Variants in PIP5K1B observed in about 807,000 individuals in gnomAD.
PIP5K1B encodes the protein phosphatidylinositol-4-phosphate 5-kinase type 1 beta.
PIP5K1B carries 42 observed loss-of-function variants against 67.0 expected under a neutral mutation model. The ratio of observed to expected loss-of-function variants is 0.63; its 90% CI spans 0.49 to 0.81. The LOEUF (loss-of-function observed/expected upper bound fraction) is 0.81, where lower values mean the gene tolerates loss of function less well. Ranked by LOEUF, PIP5K1B falls within the 30% of genes least tolerant of loss-of-function variation. The pLI is 0.00. For synonymous variants in PIP5K1B, 214 were observed against 231.4 expected, an observed-to-expected ratio of 0.92 and a Z score of 0.68; for missense variants, 459 against 646.3, an observed-to-expected ratio of 0.71 and a Z score of 3.14.
intron 12 of PIP5K1B, among the ~76,000 whole-genome samples, chr9:68,934,388 A>T (rs929018397): frequency 1.4e-4 from 21 of 152,226 alleles, no homozygotes; most frequent in African/African-American, 4.8e-4. Context: ...AAGCAACCAG[A>T]AGTAACTTGG....
intron 4 of PIP5K1B, among the ~76,000 whole-genome samples, chr9:68,828,830 G>C (rs1002141265): frequency 6.6e-6 from 1 of 152,152 alleles, no homozygotes; most frequent in African/African-American, 2.4e-5. Flanking sequence ...GGCTGGGCAC[G>C]GTGGATTATG....
intron 2 of PIP5K1B, among the ~76,000 whole-genome samples, chr9:68,749,918 G>A (rs1016121941): frequency 1.3e-5 from 2 of 152,212 alleles, no homozygotes; most frequent in East Asian, 1.9e-4. Flanking sequence ...ATTAAGTACA[G>A]CTTAATCCCA....
chr9:68,983,454 G>A (rs1328312083), intron 14 of PIP5K1B, among the ~76,000 whole-genome samples: 1 of 151,936 alleles, frequency 6.6e-6, no homozygotes, highest in Non-Finnish European at 1.5e-5. Context: ...TTTTTTCTGT[G>A]TGTGTGTTTT....
chr9:68,924,928 A>G (rs1027680862), intron 12 of PIP5K1B, among the ~76,000 whole-genome samples: 2 of 152,204 alleles, frequency 1.3e-5, no homozygotes, highest in Non-Finnish European at 2.9e-5. Context: ...CTTTCTACCA[A>G]TCTTTATTTC....
chr9:68,947,086 T>C (rs1827838720), intron 14 of PIP5K1B, among the ~76,000 whole-genome samples: 1 of 152,262 alleles, frequency 6.6e-6, no homozygotes. Flanking sequence ...AAGGGCATGA[T>C]GTTTTTGACA....
intron 14 of PIP5K1B, chr9:68,966,752 A>C (rs1829054897): frequency 6.6e-6 from 1 of 152,256 alleles, no homozygotes; most frequent in Non-Finnish European, 1.5e-5. Flanking sequence ...ACAAAAAGGC[A>C]TGGGTGCTTC....
rs148145570 is a variant in PIP5K1B at position 68,943,413 on chromosome 9, A to T, written c.1502+2623A>T. Among the ~76,000 whole-genome samples, 352 of 152,348 alleles carry T rather than the reference A, an allele frequency of 2.3e-3. 1 individual carries two copies. The highest frequency in any genetic ancestry group is 5.9e-3 in the African/African-American group (246 of 41,584). On this transcript the variant is annotated intron_variant, in intron 14 of 15. Transcript: ENST00000265382. Reference sequence around the variant, plus strand: ...AAAAAATCTTAAAGACAACAGTTTGAGAACTCCCAGGAGTCAATATCCCTA... The same window carrying T: ...AAAAAATCTTAAAGACAACAGTTTGTGAACTCCCAGGAGTCAATATCCCTA...
chr9:68,797,140 C>T (rs917030602), intron 2 of PIP5K1B, among the ~76,000 whole-genome samples: 4 of 152,142 alleles, frequency 2.6e-5, no homozygotes, highest in African/African-American at 4.8e-5. Context: ...CTTACAAAGA[C>T]GAGTGGACAA....
chr9:68,711,841 G>A (rs1017254230), intron 1 of PIP5K1B, among the ~76,000 whole-genome samples: 1 of 152,142 alleles, frequency 6.6e-6, no homozygotes, highest in East Asian at 1.9e-4. Flanking sequence ...TGCCCAGAGT[G>A]GCTTAATAGT....
chr9:68,708,685 C>T (rs1827244022), intron 1 of PIP5K1B, among the ~76,000 whole-genome samples: 1 of 152,110 alleles, frequency 6.6e-6, no homozygotes, highest in Non-Finnish European at 1.5e-5. Context: ...GAATAAATTT[C>T]AGGAGATGCT....
Position 68,897,195 on chromosome 9 carries a change from G to A in PIP5K1B, c.771+2557G>A, listed in dbSNP as rs147517425. On this transcript the variant is annotated intron_variant, in intron 8 of 15. Coordinates refer to ENST00000265382, the MANE Select transcript of PIP5K1B (RefSeq NM_003558.4). ...CCTCTGCTAAAATTCCTGTGAGACA[G>A]TATGGCTAAGGCTCTAGAAACAAAC... 1.4e-3 allele frequency among the ~76,000 whole-genome samples: 206 copies of A among 152,306 alleles called. 3 individuals carry two copies. The highest frequency in any genetic ancestry group is 4.7e-3 in the African/African-American group (195 of 41,564).
At chr9:69,007,737 G>C (rs757009872) in intron 15 of PIP5K1B, among the ~76,000 whole-genome samples, 2 of 152,004 alleles carry the variant, frequency 1.3e-5, no homozygotes, top group African/African-American at 2.4e-5. Flanking sequence ...GGCAGCTGTA[G>C]TCCCAGCTAC....
At chr9:68,746,683 C>G (rs745669746) in intron 2 of PIP5K1B, among the ~76,000 whole-genome samples, 1 of 152,172 alleles carries the variant, frequency 6.6e-6, no homozygotes, top group Non-Finnish European at 1.5e-5. Context: ...CTTGTCCTCT[C>G]TGTGCCTCTC....
chr9:68,730,173 T>A (rs1380976412), intron 1 of PIP5K1B, among the ~76,000 whole-genome samples: 1 of 152,228 alleles, frequency 6.6e-6, no homozygotes, highest in African/African-American at 2.4e-5. Flanking sequence ...CATAGAATGG[T>A]TACATACAAT....
intron 1 of PIP5K1B, among the ~76,000 whole-genome samples, chr9:68,721,891 G>A (rs988087907): frequency 1.1e-3 from 162 of 152,228 alleles, no homozygotes; most frequent in African/African-American, 3.7e-3. Flanking sequence ...TCCCTGTAGC[G>A]TGGCTCATTC....
At chr9:68,851,835 C>A (rs570561787) in intron 4 of PIP5K1B, among the ~76,000 whole-genome samples, 1 of 152,226 alleles carries the variant, frequency 6.6e-6, no homozygotes, top group Non-Finnish European at 1.5e-5. Context: ...TCTTCCAAAG[C>A]ACAGCTGGGT....
intron 13 of PIP5K1B, 40 bp from the exon 14 acceptor site, chr9:68,940,606 C>T (rs10746974): frequency 0.83 from 1,324,643 of 1,590,948 alleles, 555,939 homozygotes; most frequent in Admixed American, 0.89. Context: ...CTGCATTTAT[C>T]CTTGAGATTC....
chr9:68,856,794 C>T (rs977353565), intron 4 of PIP5K1B, among the ~76,000 whole-genome samples: 36 of 152,076 alleles, frequency 2.4e-4, no homozygotes, highest in East Asian at 7.7e-4. Context: ...GGGGGCAACA[C>T]GGGAAAAAAT....
chr9:68,873,129 G>T (rs1047373604), intron 5 of PIP5K1B, among the ~76,000 whole-genome samples: 4 of 151,350 alleles, frequency 2.6e-5, no homozygotes, highest in Non-Finnish European at 5.9e-5. Flanking sequence ...CATCACAGTC[G>T]TGGATTTTCA....
Sources: gnomAD v4.1 joint callset for allele counts (sites outside exome capture counted in the v4.1 genomes callset) on GRCh38, gnomAD v4.1.1 for gene constraint, MANE v1.5 for transcripts, NCBI Gene and HGNC (gene_info 2026-07-23, HGNC 2026-07-21) for gene names.